NUP214: variants seen among roughly 807,000 people sequenced by gnomAD.
NUP214 encodes nuclear pore complex protein Nup214.
A neutral mutation model predicts 196.2 loss-of-function variants in NUP214; 79 were observed. The ratio of observed to expected loss-of-function variants is 0.40; its 90% CI spans 0.34 to 0.49. NUP214 has a LOEUF of 0.49. NUP214 is among the 20% of genes least tolerant of loss of function. The pLI, the probability that NUP214 is intolerant of heterozygous loss-of-function variation, is 0.58. For missense variants in NUP214, 2,468 were observed against 2,539.0 expected, an observed-to-expected ratio of 0.97 and a Z score of 0.60; for synonymous variants, 1,020 against 990.5, an observed-to-expected ratio of 1.03 and a Z score of -0.56.
chr9:131,128,358 C>A lies in NUP214; in HGVS notation c.268C>A (p.Pro90Thr). The A allele has an allele frequency of 6.2e-7, 1 of 1,612,632 alleles. No individual in the cohort carries two copies. Among genetic ancestry groups the A allele is most frequent in the Non-Finnish European group, 8.5e-7 (1 of 1,179,226 alleles). ...TGATAAAGTCCAAGGCTTGCTAGTT[C>A]CTATGAAATTCCCAATCCATCACCT... ...IVDKVQGLLV[P>T]MKFPIHHLAL... The change falls in exon 3 of 36, where the codon CCT becomes ACT. Residue 90 changes from proline (P) to threonine (T), a missense_variant. Around this residue, in one of 5 missense-constraint regions of NUP214, gnomAD observed 392 missense variants for 417.9 expected, o/e 0.94. Transcript: ENST00000359428.
intron 17 of NUP214, among the ~76,000 whole-genome samples, chr9:131,154,651 G>A (rs1348444084): frequency 6.6e-6 from 1 of 152,188 alleles, no homozygotes; most frequent in Non-Finnish European, 1.5e-5. Flanking sequence ...CTGTTCCGTT[G>A]TATCATTCTT....
Position 131,125,591 on chromosome 9 carries a change from C to T in NUP214, c.-114C>T. The stretch of plus-strand genomic sequence containing the variant: ...CCAAAGCGCGCCGGAAATGCGAGGT[C>T]AACTGCGCGCCGCTGGCGCTGAGGG... On this transcript the variant is annotated 5_prime_UTR_variant, in exon 1 of 36. Transcript: ENST00000359428. The surrounding 1 kb of genome is among the most constrained non-coding windows in gnomAD (Gnocchi z 4.1). 1 of 1,547,948 alleles carries T rather than the reference C, an allele frequency of 6.5e-7. No homozygotes were observed. The highest frequency in any genetic ancestry group is 8.7e-7 in the Non-Finnish European group (1 of 1,144,992).
chr9:131,184,384 A>C (rs1377033092), intron 24 of NUP214, among the ~76,000 whole-genome samples: 4 of 142,486 alleles, frequency 2.8e-5, no homozygotes, highest in Non-Finnish European at 6.0e-5. Context: ...CTCAGGCTGG[A>C]GTGCAGTGGC....
intron 3 of NUP214, chr9:131,128,884 A>G (rs542404437): frequency 1.4e-5 from 4 of 294,280 alleles, no homozygotes; most frequent in African/African-American, 8.8e-5. Flanking sequence ...GTTCATGCCT[A>G]CCACAGCCTT....
chr9:131,176,349 G>T (rs903256135), intron 23 of NUP214, among the ~76,000 whole-genome samples: 2 of 150,934 alleles, frequency 1.3e-5, no homozygotes, highest in African/African-American at 4.9e-5. Context: ...TTTGAGACAG[G>T]GTCTCACTGT....
At position 131,173,926 on chromosome 9, in the gene NUP214, C is replaced by T. The variant is rs1833026703; in HGVS notation, c.2894-129C>T. The stretch of plus-strand genomic sequence containing the variant: ...TCACATTTGACAATACCTGCTCCCA[C>T]TTAAAATAAGTAATAATTAAATCAT... On this transcript the variant is annotated intron_variant, in intron 21 of 35. Coordinates refer to ENST00000359428, the MANE Select transcript of NUP214 (RefSeq NM_005085.4). 4.0e-6 allele frequency: 5 copies of T among 1,246,124 alleles called. No individual in the cohort carries two copies. The South Asian group carries it at 4.2e-5, about 10-fold the overall frequency. The allele number at this position is 1,246,124 out of a possible 1,614,324, so 77.2% of individuals were successfully genotyped here.
At chr9:131,127,853 T>C in intron 2 of NUP214, 134 bp downstream of exon 2, 1 of 664,908 alleles carries the variant, frequency 1.5e-6, no homozygotes, top group Non-Finnish European at 2.5e-6. Flanking sequence ...CCAAGAAGAT[T>C]AATGGAAGCC....
At chr9:131,181,531 T>C (rs1217474284) in intron 24 of NUP214, among the ~76,000 whole-genome samples, 2 of 152,226 alleles carry the variant, frequency 1.3e-5, no homozygotes, top group African/African-American at 4.8e-5. Flanking sequence ...CCTAGTGGTA[T>C]AAAATGGTAT....
In NUP214 at chr9:131,197,720, C is replaced by A; in HGVS notation, c.4226C>A (p.Ala1409Asp). Residue 1409 changes from alanine (A) to aspartate (D), a missense_variant, in exon 29 of 36, where the codon GCC becomes GAC. By Grantham distance (126) the Ala-to-Asp change is moderately radical. Coordinates refer to ENST00000359428, the MANE Select transcript of NUP214 (RefSeq NM_005085.4). ...GCAGCCACCAGCACTTCCTCAACTG[C>A]CGTTTTTGGCAGTCTGCCAGTCACC... is the stretch of plus-strand genomic sequence containing the variant. ...PPAATSTSST[A>D]VFGSLPVTSA... The A allele has an allele frequency of 6.2e-7, 1 of 1,614,224 alleles. No individual in the cohort carries two copies. The highest frequency in any genetic ancestry group is 8.5e-7 in the Non-Finnish European group (1 of 1,180,046).
intron 10 of NUP214, among the ~76,000 whole-genome samples, chr9:131,139,994 G>A (rs1366072478): frequency 6.6e-6 from 1 of 152,220 alleles, no homozygotes; most frequent in Non-Finnish European, 1.5e-5. Context: ...GCACCATTAA[G>A]TTGCTTGCTC....
chr9:131,194,824 T>G (rs1833728883), intron 27 of NUP214, among the ~76,000 whole-genome samples: 1 of 152,230 alleles, frequency 6.6e-6, no homozygotes, highest in African/African-American at 2.4e-5. Context: ...TCCCTAGTCT[T>G]AAGTGCTTCT....
Position 131,232,546 on chromosome 9 carries a change from A to G in NUP214, c.6239+238A>G, listed in dbSNP as rs1201449811. ...TTAAGAGGCGTGGTTCAAAGAGAAA[A>G]GAGCACGCCTGCCAGTGAGCTGGGC... On this transcript the variant is annotated intron_variant, in intron 35 of 35. Transcript: ENST00000359428. This position sits in a 1 kb window ranked among gnomAD's most constrained non-coding sequence, Gnocchi z 5.1. The G allele has an allele frequency of 1.7e-6, 1 of 589,610 alleles. No individual in the cohort carries two copies. Among genetic ancestry groups the G allele is most frequent in the Non-Finnish European group, 3.0e-6 (1 of 329,712 alleles). The allele number at this position is 589,610 out of a possible 1,614,324, so 36.5% of individuals were successfully genotyped here.
Position 131,200,102 on chromosome 9 carries a change from C to T in NUP214, c.5521+1087C>T, listed in dbSNP as rs536301986. On this transcript the variant is annotated intron_variant, in intron 29 of 35. Transcript: ENST00000359428. ...TATCACTACCACACCATTTGCTCTG[C>T]AGTCAGAACCTGAGAAGACCTCATG... 2.0e-5 allele frequency among the ~76,000 whole-genome samples: 3 copies of T among 152,330 alleles called. No individual in the cohort carries two copies. The South Asian group carries it at 6.2e-4, about 32-fold the overall frequency.
At chr9:131,207,759 T>G (rs1427624862) in intron 30 of NUP214, among the ~76,000 whole-genome samples, 4 of 152,194 alleles carry the variant, frequency 2.6e-5, no homozygotes, top group Non-Finnish European at 4.4e-5. Context: ...CAGAAAGCCT[T>G]GTTGAACTGG....
In NUP214 at chr9:131,129,295, G is replaced by A. The variant is rs1303418297; in HGVS notation, c.410G>A (p.Arg137His). ...TTTTAAAAGGCTAAACAGCAAAAACGCCCATTTGCCTATCATAAGCTTTTG... is the reference window on the plus strand; with the variant it reads ...TTTTAAAAGGCTAAACAGCAAAAACACCCATTTGCCTATCATAAGCTTTTG... ...TFSNEAKQQK[R>H]PFAYHKLLKD... The change falls in exon 4 of 36, where the codon CGC (arginine) becomes CAC (histidine). Residue 137 changes from arginine to histidine, a missense_variant. Coordinates refer to ENST00000359428, the MANE Select transcript of NUP214 (RefSeq NM_005085.4). 4.3e-6 allele frequency: 7 copies of A among 1,613,872 alleles called. No homozygotes were observed. The highest frequency in any genetic ancestry group is 3.3e-5 in the South Asian group (3 of 91,064).
Position 131,230,762 on chromosome 9 carries a change from C to T in NUP214, c.6207C>T (p.Gly2069=). ...QSSGFSGFGS[G]TGGFSFGSNN... ...GCGGATTCTCTGGTTTTGGATCAGG[C>T]ACAGGAGGTAAGCTGCCACAAGTTC... Residue 2069 remains glycine, a synonymous_variant, in exon 34 of 36, where the codon GGC becomes GGT. Coordinates refer to ENST00000359428, the MANE Select transcript of NUP214 (RefSeq NM_005085.4). 1.2e-6 allele frequency: 2 copies of T among 1,613,246 alleles called. No homozygotes were observed. Among genetic ancestry groups the T allele is most frequent in the Non-Finnish European group, 1.7e-6 (2 of 1,179,796 alleles).
intron 11 of NUP214, 108 bp downstream of exon 11, chr9:131,140,818 C>T (rs1831887042): frequency 8.7e-7 from 1 of 1,154,734 alleles, no homozygotes; most frequent in Admixed American, 2.4e-5. Flanking sequence ...TCTTTACCAG[C>T]CTGGTCTGTC....
chr9:131,130,743 T>G, intron 4 of NUP214, 23 bp from the exon 5 acceptor site: 11 of 1,611,130 alleles, frequency 6.8e-6, no homozygotes, highest in Non-Finnish European at 9.3e-6. Flanking sequence ...TTGTTTTCAT[T>G]TGGTAATACT....
chr9:131,230,583 T>A, intron 33 of NUP214, 47 bp from the exon 34 acceptor site: 1 of 1,609,334 alleles, frequency 6.2e-7, no homozygotes, highest in Non-Finnish European at 8.5e-7. Flanking sequence ...GATGGGCAAG[T>A]GGTGAGAGGC....
Sources: gnomAD v4.1 joint callset for allele counts (sites outside exome capture counted in the v4.1 genomes callset) on GRCh38, gnomAD v4.1.1 for gene constraint, gnomAD v4.1.1 regional missense constraint, Gnocchi (gnomAD v3.1) non-coding constraint, MANE v1.5 for transcripts, NCBI Gene and HGNC (gene_info 2026-07-23, HGNC 2026-07-21) for gene names.